GSTM1: variants seen among roughly 807,000 people sequenced by gnomAD.
GSTM1 encodes the protein glutathione S-transferase mu 1.
A neutral mutation model predicts 17.3 loss-of-function variants in GSTM1; 6 were observed. That is an observed-to-expected ratio of 0.35 (90% CI 0.19 to 0.68). The LOEUF is 0.68. GSTM1 is among the 30% of genes least tolerant of loss of function. The pLI is 0.65. For missense variants in GSTM1, 62 were observed against 155.9 expected, an observed-to-expected ratio of 0.40 and a Z score of 3.21; for synonymous variants, 20 against 53.6, an observed-to-expected ratio of 0.37 and a Z score of 2.74.
At position 109,688,296 on chromosome 1, in the gene GSTM1, C is replaced by T. The variant is rs777512749; in HGVS notation, c.112+51C>T. ...CTGCCCACTCACGCTAAGTTGGCAC[C>T]AAGCAACCCATGGTGGCCACCTGTG... On this transcript the variant is annotated intron_variant, in intron 2 of 7. Transcript: ENST00000309851. The T allele has an allele frequency of 2.1e-5, 17 of 791,916 alleles. 6 individuals carry two copies. The highest frequency in any genetic ancestry group is 2.7e-5 in the Non-Finnish European group (15 of 546,764). 49.1% of individuals were successfully genotyped at this position (791,916 alleles called of 1,614,324 possible). A position where few individuals can be genotyped will look rare whatever the true frequency, so the allele number is the denominator to read the frequency against.
At chr1:109,690,143 C>G in intron 5 of GSTM1, 128 bp from the exon 6 acceptor site, 1 of 368,250 alleles carries the variant, frequency 2.7e-6, no homozygotes, top group East Asian at 5.7e-5. Flanking sequence ...CTGGGCACTG[C>G]CCCAGTTCCA....
In GSTM1 at chr1:109,690,062, C is replaced by A. The variant is rs1258947355; in HGVS notation, c.361-209C>A. Among the ~76,000 whole-genome samples the A allele has an allele frequency of 4.9e-5, 4 of 81,500 alleles. 2 individuals are homozygous for A. Among genetic ancestry groups the A allele is most frequent in the Non-Finnish European group, 1.3e-4 (4 of 31,588 alleles). 53.5% of individuals were successfully genotyped at this position (81,500 alleles called of 152,430 possible). A position where few individuals can be genotyped will look rare whatever the true frequency, so the allele number is the denominator to read the frequency against. On this transcript the variant is annotated intron_variant, in intron 5 of 7. Coordinates refer to ENST00000309851, the MANE Select transcript of GSTM1 (RefSeq NM_000561.4). ...GGGACAGCATCTCATTCCTCTCTGC[C>A]TTCTGATCAGTTTAGATAGGGTCTG...
Position 109,687,931 on chromosome 1 carries a change from G to T in GSTM1, c.36+22G>T. On this transcript the variant is annotated intron_variant, in intron 1 of 7. Transcript: ENST00000309851. ...CGGGGTGAGCGAGGGTCCGCTGGACGGTGGGACGAGGGCGCAGGGGAGGGA... is the reference window on the plus strand; with the variant it reads ...CGGGGTGAGCGAGGGTCCGCTGGACTGTGGGACGAGGGCGCAGGGGAGGGA... 5 of 778,984 alleles carry T rather than the reference G, an allele frequency of 6.4e-6. 2 individuals carry two copies. Among genetic ancestry groups the T allele is most frequent in the Middle Eastern group, 7.5e-4 (2 of 2,666 alleles). The allele number at this position is 778,984 out of a possible 1,614,324, so 48.3% of individuals were successfully genotyped here. A position where few individuals can be genotyped will look rare whatever the true frequency, so the allele number is the denominator to read the frequency against.
intron 7 of GSTM1, 58 bp from the exon 8 acceptor site, chr1:109,693,148 G>A: frequency 1.4e-6 from 1 of 698,796 alleles, no homozygotes; most frequent in South Asian, 2.1e-5. Context: ...CAGTGGGGTT[G>A]TCCCAGCCCT....
chr1:109,688,016 C>T lies in GSTM1; in HGVS notation c.36+107C>T, dbSNP rs866577976. 32 of 725,922 alleles carry T rather than the reference C, an allele frequency of 4.4e-5. 13 individuals carry two copies. The highest frequency in any genetic ancestry group is 6.1e-5 in the Non-Finnish European group (30 of 488,678). 45.0% of individuals were successfully genotyped at this position (725,922 alleles called of 1,614,324 possible). ...CGTTCCTCTTCAGGGCTGCCCGCCT[C>T]AGAAGGGCCTGTGCATGCCGCTGTG... On this transcript the variant is annotated intron_variant, in intron 1 of 7. Coordinates refer to ENST00000309851, the MANE Select transcript of GSTM1 (RefSeq NM_000561.4).
chr1:109,688,282 C>T lies in GSTM1; in HGVS notation c.112+37C>T. On this transcript the variant is annotated intron_variant, in intron 2 of 7. Transcript: ENST00000309851. ...CTCGTGTTCGGGCTCTGCCCACTCA[C>T]GCTAAGTTGGCACCAAGCAACCCAT... 2 of 796,870 alleles carry T rather than the reference C, an allele frequency of 2.5e-6. 1 individual carries two copies. Among genetic ancestry groups the T allele is most frequent in the Non-Finnish European group, 3.6e-6 (2 of 551,308 alleles). 49.4% of individuals were successfully genotyped at this position (796,870 alleles called of 1,614,324 possible). A position where few individuals can be genotyped will look rare whatever the true frequency, so the allele number is the denominator to read the frequency against.
At position 109,692,848 on chromosome 1, in the gene GSTM1, G is replaced by A. The variant is rs1648131507; in HGVS notation, c.568-358G>A. 2.5e-5 allele frequency among the ~76,000 whole-genome samples: 2 copies of A among 81,144 alleles called. 1 individual carries two copies. Among genetic ancestry groups the A allele is most frequent in the Non-Finnish European group, 6.4e-5 (2 of 31,496 alleles). The allele number at this position is 81,144 out of a possible 152,430, so 53.2% of individuals were successfully genotyped here. A position where few individuals can be genotyped will look rare whatever the true frequency, so the allele number is the denominator to read the frequency against. Reference sequence around the variant, plus strand: ...CCCTTACTAGGTATTTAAATGTAAGGAAGTTGCTGAACTTCTGTTTCCCAC... The same window carrying A: ...CCCTTACTAGGTATTTAAATGTAAGAAAGTTGCTGAACTTCTGTTTCCCAC... On this transcript the variant is annotated intron_variant, in intron 7 of 7. Coordinates refer to ENST00000309851, the MANE Select transcript of GSTM1 (RefSeq NM_000561.4).
rs1182904833 is a variant in GSTM1, at chr1:109,691,019, CG to C, written c.567+457del. 8.7e-4 allele frequency among the ~76,000 whole-genome samples: 70 copies of C among 80,786 alleles called. 24 individuals carry two copies. The Middle Eastern group carries it at 0.045, about 52-fold the overall frequency. The allele number at this position is 80,786 out of a possible 152,430, so 53.0% of individuals were successfully genotyped here. A position where few individuals can be genotyped will look rare whatever the true frequency, so the allele number is the denominator to read the frequency against. On this transcript the variant is annotated intron_variant, in intron 7 of 7. Coordinates refer to ENST00000309851, the MANE Select transcript of GSTM1 (RefSeq NM_000561.4). ...GCTGGCAATAGTAGGACTGACACAA[CG>C]GTGACATTGATGTCTAGTACTGAAC...
Position 109,689,970 on chromosome 1 carries a change from T to A in GSTM1, c.361-301T>A, listed in dbSNP as rs4147568. 4.9e-5 allele frequency among the ~76,000 whole-genome samples: 4 copies of A among 81,884 alleles called. 1 individual carries two copies. The East Asian group carries it at 1.8e-3, about 37-fold the overall frequency. 53.7% of individuals were successfully genotyped at this position (81,884 alleles called of 152,430 possible). A position where few individuals can be genotyped will look rare whatever the true frequency, so the allele number is the denominator to read the frequency against. On this transcript the variant is annotated intron_variant, in intron 5 of 7. Coordinates refer to ENST00000309851, the MANE Select transcript of GSTM1 (RefSeq NM_000561.4). The stretch of plus-strand genomic sequence containing the variant: ...ATTCTGCTGGTCTGGATCCAGAGGC[T>A]GCCAGGTGCTTGGGCGCTCCTGGGG...
At chr1:109,688,930 G>C in intron 3 of GSTM1, 118 bp from the exon 4 acceptor site, 1 of 514,812 alleles carries the variant, frequency 1.9e-6, no homozygotes, top group Non-Finnish European at 3.3e-6. Context: ...TCTTATTTCA[G>C]TCCTGCCATG....
In GSTM1 at chr1:109,688,497, G is replaced by A; in HGVS notation, c.113-176G>A. The A allele has an allele frequency of 5.3e-6, 2 of 375,296 alleles. 1 individual carries two copies. Among genetic ancestry groups the A allele is most frequent in the Non-Finnish European group, 1.0e-5 (2 of 198,582 alleles). 23.2% of individuals were successfully genotyped at this position (375,296 alleles called of 1,614,324 possible). A position where few individuals can be genotyped will look rare whatever the true frequency, so the allele number is the denominator to read the frequency against. On this transcript the variant is annotated intron_variant, in intron 2 of 7. Coordinates refer to ENST00000309851, the MANE Select transcript of GSTM1 (RefSeq NM_000561.4). ...AAACCCTGGAAGCCTTAGCTGTGTGGGGTCCAGAGCCCTCAGCGGGATTCT... is the reference window on the plus strand; with the variant it reads ...AAACCCTGGAAGCCTTAGCTGTGTGAGGTCCAGAGCCCTCAGCGGGATTCT...
At chr1:109,690,192 G>T in intron 5 of GSTM1, 79 bp from the exon 6 acceptor site, 1 of 510,766 alleles carries the variant, frequency 2.0e-6, no homozygotes, top group Non-Finnish European at 3.4e-6. Flanking sequence ...GCCAGCCTGG[G>T]CCGTCCACAG....
At chr1:109,687,978 G>A in intron 1 of GSTM1, 69 bp downstream of exon 1, 1 of 702,574 alleles carries the variant, frequency 1.4e-6, no homozygotes, top group Non-Finnish European at 2.1e-6. Context: ...GCTGCGGGAC[G>A]GACTCTAGGG....
Position 109,691,758 on chromosome 1 carries a change from C to T in GSTM1, c.567+1194C>T, listed in dbSNP as rs1262484592. On this transcript the variant is annotated intron_variant, in intron 7 of 7. Transcript: ENST00000309851. ...GGTACCAGGCCCGGGGCCTGCCCCT[C>T]ACTCACGGGGAACCATCCCTCACCC... Among the ~76,000 whole-genome samples the T allele has an allele frequency of 2.4e-5, 2 of 82,420 alleles. 1 individual carries two copies. The highest frequency in any genetic ancestry group is 6.3e-5 in the Non-Finnish European group (2 of 31,722). The allele number at this position is 82,420 out of a possible 152,430, so 54.1% of individuals were successfully genotyped here.
chr1:109,689,985 C>T lies in GSTM1; in HGVS notation c.361-286C>T, dbSNP rs113433034. ...ATCCAGAGGCTGCCAGGTGCTTGGG[C>T]GCTCCTGGGGCTGACCCAGAGGCTA... is the stretch of plus-strand genomic sequence containing the variant. On this transcript the variant is annotated intron_variant, in intron 5 of 7. Transcript: ENST00000309851. Among the ~76,000 whole-genome samples, 673 of 81,758 alleles carry T rather than the reference C, an allele frequency of 8.2e-3. 227 individuals carry two copies. Among genetic ancestry groups the T allele is most frequent in the African/African-American group, 0.02 (570 of 28,802 alleles). 53.6% of individuals were successfully genotyped at this position (81,758 alleles called of 152,430 possible). A position where few individuals can be genotyped will look rare whatever the true frequency, so the allele number is the denominator to read the frequency against.
At position 109,688,406 on chromosome 1, in the gene GSTM1, C is replaced by A; in HGVS notation, c.112+161C>A. The A allele has an allele frequency of 6.8e-6, 3 of 442,306 alleles. 1 individual carries two copies. Among genetic ancestry groups the A allele is most frequent in the Non-Finnish European group, 1.2e-5 (3 of 249,222 alleles). 27.4% of individuals were successfully genotyped at this position (442,306 alleles called of 1,614,324 possible). The stretch of plus-strand genomic sequence containing the variant: ...GAGGGAGCCCTCTGGCCTTGCAAGG[C>A]AGAATGCTGGGGTGGGATGCTGGGC... On this transcript the variant is annotated intron_variant, in intron 2 of 7. Coordinates refer to ENST00000309851, the MANE Select transcript of GSTM1 (RefSeq NM_000561.4).
chr1:109,690,579 C>T lies in GSTM1; in HGVS notation c.567+15C>T. 2 of 983,342 alleles carry T rather than the reference C, an allele frequency of 2.0e-6. No homozygotes were observed. The highest frequency in any genetic ancestry group is 2.8e-6 in the Non-Finnish European group (2 of 709,188). The allele number at this position is 983,342 out of a possible 1,614,324, so 60.9% of individuals were successfully genotyped here. On this transcript the variant is annotated intron_variant, in intron 7 of 7. Transcript: ENST00000309851. ...CCCGCTTTGAGGTGATGCCCCCATC[C>T]TCCTTTCTCTTTGATGCCCCTTGTT...
chr1:109,691,744 C>T lies in GSTM1; in HGVS notation c.567+1180C>T, dbSNP rs1405939396. Among the ~76,000 whole-genome samples, 21 of 82,382 alleles carry T rather than the reference C, an allele frequency of 2.5e-4. 9 individuals are homozygous for T. The highest frequency in any genetic ancestry group is 6.5e-4 in the African/African-American group (19 of 29,100). The allele number at this position is 82,382 out of a possible 152,430, so 54.0% of individuals were successfully genotyped here. The stretch of plus-strand genomic sequence containing the variant: ...TGTGGCACCACCTGGGTACCAGGCC[C>T]GGGGCCTGCCCCTCACTCACGGGGA... On this transcript the variant is annotated intron_variant, in intron 7 of 7. Transcript: ENST00000309851.
At chr1:109,691,225 C>CTTTT (rs140454046) in intron 7 of GSTM1, among the ~76,000 whole-genome samples, 264 of 18,194 alleles carry the variant, frequency 0.015, no homozygotes, top group Non-Finnish European at 0.018. Flanking sequence ...CACCTCTATT[C>CTTTT]TTTTTTTTTT....
Sources: gnomAD v4.1 joint callset for allele counts (sites outside exome capture counted in the v4.1 genomes callset) on GRCh38, gnomAD v4.1.1 for gene constraint, MANE v1.5 for transcripts, NCBI Gene and HGNC (gene_info 2026-07-23, HGNC 2026-07-21) for gene names.